The following SPPL2B variants were observed in gnomAD, a reference collection of about 807,000 sequenced individuals.
SPPL2B encodes signal peptide peptidase like 2B, also known as signal peptide peptidase-like 2B.
Under a neutral mutation model 59.7 loss-of-function variants are expected in SPPL2B, and 39 were observed. The observed-to-expected ratio is 0.65, with a 90% CI of 0.51 to 0.85. The LOEUF is 0.85. SPPL2B is among the 40% of genes least tolerant of loss of function. The probability of loss-of-function intolerance (pLI) is 0.00; values close to 1 mark genes in which losing one functional copy is unlikely to be tolerated. For synonymous variants in SPPL2B, 419 were observed against 370.8 expected, an observed-to-expected ratio of 1.13 and a Z score of -1.49; for missense variants, 865 against 849.0, an observed-to-expected ratio of 1.02 and a Z score of -0.23.
chr19:2,340,868 G>C, intron 7 of SPPL2B, 30 bp from the exon 8 acceptor site: 1 of 1,428,238 alleles, frequency 7.0e-7, no homozygotes, highest in South Asian at 1.2e-5. Context: ...GAGCTGGTGG[G>C]CTTGGCTCTG....
chr19:2,339,795 G>T lies in SPPL2B; in HGVS notation c.600-29G>T, dbSNP rs756875582. 1.4e-5 allele frequency: 22 copies of T among 1,595,942 alleles called. No individual in the cohort carries two copies. The African/African-American group carries it at 2.7e-4, about 19-fold the overall frequency. On this transcript the variant is annotated intron_variant, in intron 5 of 14. Transcript: ENST00000613503. ...CCCCGTGTCGGCCAGCCGGCCCCAGGGCCCCACGACCCCATGGTGTCTCCC... is the reference window on the plus strand; with the variant it reads ...CCCCGTGTCGGCCAGCCGGCCCCAGTGCCCCACGACCCCATGGTGTCTCCC...
intron 9 of SPPL2B, 103 bp downstream of exon 9, chr19:2,343,395 T>G: frequency 1.0e-6 from 1 of 982,446 alleles, no homozygotes; most frequent in South Asian, 1.4e-5. Flanking sequence ...TCTGTGCTCC[T>G]GCTCACTGCC....
chr19:2,338,702 C>A, intron 3 of SPPL2B, 50 bp from the exon 4 acceptor site: 1 of 1,311,084 alleles, frequency 7.6e-7, no homozygotes, highest in Non-Finnish European at 1.1e-6. Context: ...AGCTGGGGGC[C>A]CACCCACTGC....
At position 2,343,219 on chromosome 19, in the gene SPPL2B, G is replaced by C; in HGVS notation, c.965G>C (p.Trp322Ser). 6.4e-7 allele frequency: 1 copy of C among 1,554,704 alleles called. No homozygotes were observed. The highest frequency in any genetic ancestry group is 8.7e-7 in the Non-Finnish European group (1 of 1,148,814). ...GVFRNEDQWA[W>S]VLQDALGIAF... ...GCTGCTTTGTCTTGCAGGTGGGCCT[G>C]GGTCCTCCAGGATGCCCTGGGCATC... is the stretch of plus-strand genomic sequence containing the variant. Residue 322 changes from tryptophan to serine, a missense_variant, in exon 9 of 15, where the codon TGG (tryptophan) becomes TCG (serine). Transcript: ENST00000613503.
intron 3 of SPPL2B, 164 bp from the exon 4 acceptor site, chr19:2,338,588 T>G: frequency 1.8e-6 from 1 of 569,624 alleles, no homozygotes; most frequent in Non-Finnish European, 3.2e-6. Context: ...TGGGTCCTCC[T>G]GGGGGGCCGG....
At chr19:2,343,042 A>C in intron 8 of SPPL2B, 169 bp from the exon 9 acceptor site, 1 of 619,048 alleles carries the variant, frequency 1.6e-6, no homozygotes, top group Non-Finnish European at 2.9e-6. Flanking sequence ...TTGTAACAGC[A>C]GGGGTCCTCC....
At chr19:2,345,451 C>T (rs990388740) in intron 13 of SPPL2B, 121 bp downstream of exon 13, 2 of 823,804 alleles carry the variant, frequency 2.4e-6, no homozygotes, top group Non-Finnish European at 4.0e-6. Flanking sequence ...CCAACTCTAA[C>T]ACCGTAACCA....
chr19:2,334,362 C>T (rs1440537493), intron 1 of SPPL2B, among the ~76,000 whole-genome samples: 2 of 152,240 alleles, frequency 1.3e-5, no homozygotes, highest in African/African-American at 4.8e-5. Flanking sequence ...TGACCTGACA[C>T]ACTCATGGTC....
At chr19:2,344,475 G>C in intron 11 of SPPL2B, 51 bp downstream of exon 11, 2 of 1,567,680 alleles carry the variant, frequency 1.3e-6, no homozygotes, top group Non-Finnish European at 1.7e-6. Context: ...AAGGTGTTGC[G>C]CGGAGCGGAT....
chr19:2,332,847 C>T lies in SPPL2B; in HGVS notation c.67-1755C>T, dbSNP rs1390869977. Among the ~76,000 whole-genome samples, 2 of 152,118 alleles carry T rather than the reference C, an allele frequency of 1.3e-5. No individual in the cohort carries two copies. Among genetic ancestry groups the T allele is most frequent in the African/African-American group, 4.8e-5 (2 of 41,406 alleles). On this transcript the variant is annotated intron_variant, in intron 1 of 14. Coordinates refer to ENST00000613503, the MANE Select transcript of SPPL2B (RefSeq NM_152988.3). The surrounding 1 kb of genome is among the most constrained non-coding windows in gnomAD (Gnocchi z 4.6). The stretch of plus-strand genomic sequence containing the variant: ...CCATCGCTGTGAGACCCTCTGGTGA[C>T]TGGCATCCTGGCGAGATGGAGATGT...
intron 13 of SPPL2B, among the ~76,000 whole-genome samples, chr19:2,349,073 TCC>T (rs1491204395): frequency 5.0e-3 from 172 of 34,678 alleles, no homozygotes; most frequent in South Asian, 7.8e-3. Context: ...TTCCGTTCTC[TCC>T]CTCCACACAC....
chr19:2,348,453 C>T (rs1455052608), intron 13 of SPPL2B, among the ~76,000 whole-genome samples: 11 of 140,660 alleles, frequency 7.8e-5, no homozygotes, highest in African/African-American at 2.6e-4. Context: ...CACACTCATG[C>T]GCTGTCATTC....
At position 2,332,076 on chromosome 19, in the gene SPPL2B, A is replaced by T. The variant is rs1159354799; in HGVS notation, c.67-2526A>T. Among the ~76,000 whole-genome samples, 1 of 152,216 alleles carries T rather than the reference A, an allele frequency of 6.6e-6. No individual in the cohort carries two copies. The highest frequency in any genetic ancestry group is 1.9e-4 in the East Asian group (1 of 5,200). On this transcript the variant is annotated intron_variant, in intron 1 of 14. Coordinates refer to ENST00000613503, the MANE Select transcript of SPPL2B (RefSeq NM_152988.3). This position sits in a 1 kb window ranked among gnomAD's most constrained non-coding sequence, Gnocchi z 4.6. ...CAGGCAGTCTGGTGGGCAGAACTGG[A>T]AAGAAAGGGCTCCTGACTCTGCCTG...
At chr19:2,344,466 A>G (rs973932580) in intron 11 of SPPL2B, 42 bp downstream of exon 11, 2 of 1,569,226 alleles carry the variant, frequency 1.3e-6, no homozygotes, top group African/African-American at 2.7e-5. Flanking sequence ...CCATGGGTCA[A>G]GGTGTTGCGC....
chr19:2,331,960 C>A (rs1025661688), intron 1 of SPPL2B, among the ~76,000 whole-genome samples: 1 of 152,254 alleles, frequency 6.6e-6, no homozygotes, highest in Non-Finnish European at 1.5e-5. Flanking sequence ...CCCATAACAT[C>A]CCTCCTGGAG....
intron 2 of SPPL2B, among the ~76,000 whole-genome samples, chr19:2,335,700 C>G (rs1354588929): frequency 6.6e-6 from 1 of 151,264 alleles, no homozygotes; most frequent in African/African-American, 2.4e-5. Flanking sequence ...CCCTCAGGCC[C>G]TCTCTCCTTT....
chr19:2,341,559 TG>T (rs906466333), intron 8 of SPPL2B: 12 of 453,666 alleles, frequency 2.6e-5, no homozygotes, highest in African/African-American at 2.4e-4. Context: ...GGTGCCGTGT[TG>T]GGAGGACAGA....
At chr19:2,340,499 C>T in intron 7 of SPPL2B, 1 of 607,392 alleles carries the variant, frequency 1.6e-6, no homozygotes, top group Non-Finnish European at 3.0e-6. Context: ...AGAGCTTGGC[C>T]TGGCTCTTAG....
rs968245149 is a variant in SPPL2B at position 2,353,450 on chromosome 19, C to T, written c.*241C>T. 1.6e-5 allele frequency: 9 copies of T among 552,474 alleles called. No homozygotes were observed. The highest frequency in any genetic ancestry group is 6.5e-5 in the South Asian group (3 of 46,060). 34.2% of individuals were successfully genotyped at this position (552,474 alleles called of 1,614,324 possible). A position where few individuals can be genotyped will look rare whatever the true frequency, so the allele number is the denominator to read the frequency against. On this transcript the variant is annotated 3_prime_UTR_variant, in exon 15 of 15. Transcript: ENST00000613503. The stretch of plus-strand genomic sequence containing the variant: ...TCGCCCGGCTGCCACAAGCTCTCTG[C>T]GGGTCCATCCTCCCCACCGGGGTCC...
Sources: allele counts gnomAD v4.1 joint callset (sites outside exome capture counted in the v4.1 genomes callset), GRCh38; gene constraint gnomAD v4.1.1; non-coding constraint Gnocchi (gnomAD v3.1); transcripts MANE v1.5; gene names NCBI Gene and HGNC (gene_info 2026-07-23, HGNC 2026-07-21).